Variants in NUP210 observed in about 807,000 individuals in gnomAD.
NUP210 encodes nuclear pore membrane glycoprotein 210.
Under a neutral mutation model 196.0 loss-of-function variants are expected in NUP210, and 151 were observed. The ratio of observed to expected loss-of-function variants is 0.77; its 90% CI spans 0.67 to 0.88. The LOEUF (loss-of-function observed/expected upper bound fraction) is 0.88. NUP210 is among the 40% of genes least tolerant of loss of function. The probability of loss-of-function intolerance (pLI) is 0.00; values close to 1 mark genes in which losing one functional copy is unlikely to be tolerated. For missense variants in NUP210, 2,314 were observed against 2,493.7 expected (o/e 0.93, Z 1.53); for synonymous variants, 1,070 against 1,052.7 (o/e 1.02, Z -0.32).
chr3:13,373,984 T>C (rs761289182), intron 11 of NUP210, 111 bp from the exon 12 acceptor site: 1 of 1,249,214 alleles, frequency 8.0e-7, no homozygotes, highest in African/African-American at 1.5e-5. Flanking sequence ...TCATACACAT[T>C]TATCCTCACA....
intron 2 of NUP210, among the ~76,000 whole-genome samples, chr3:13,398,212 G>A (rs940918321): frequency 3.3e-5 from 5 of 152,206 alleles, no homozygotes; most frequent in African/African-American, 1.2e-4. Flanking sequence ...AGCCAAGGCA[G>A]GTGGATCACT....
At chr3:13,413,985 T>A (rs1384387935) in intron 1 of NUP210, among the ~76,000 whole-genome samples, 1 of 152,244 alleles carries the variant, frequency 6.6e-6, no homozygotes. Flanking sequence ...TCATTCCCAC[T>A]GTCGCATGAG....
intron 19 of NUP210, 40 bp downstream of exon 19, chr3:13,352,040 G>A (rs758377350): frequency 7.5e-6 from 12 of 1,603,194 alleles, no homozygotes; most frequent in Admixed American, 6.7e-5. Context: ...GAGTCCCCCC[G>A]TGGGTCTTGC....
intron 6 of NUP210, among the ~76,000 whole-genome samples, chr3:13,384,311 G>A (rs899377345): frequency 2.0e-5 from 3 of 152,222 alleles, no homozygotes; most frequent in African/African-American, 4.8e-5. Flanking sequence ...GGGGAGAAGC[G>A]GCAGAGGGAA....
chr3:13,324,298 C>T (rs1696655634), intron 33 of NUP210, among the ~76,000 whole-genome samples: 4 of 152,094 alleles, frequency 2.6e-5, no homozygotes, highest in Admixed American at 6.5e-5. Context: ...TGCCTGCACT[C>T]CTGGAGTGCC....
At chr3:13,328,082 A>C (rs1336891998) in intron 31 of NUP210, among the ~76,000 whole-genome samples, 2 of 152,220 alleles carry the variant, frequency 1.3e-5, no homozygotes, top group Non-Finnish European at 2.9e-5. Flanking sequence ...GGTCTCTATC[A>C]GGTGCTCCTG....
chr3:13,398,587 C>T (rs183377705), intron 2 of NUP210, among the ~76,000 whole-genome samples: 22 of 152,126 alleles, frequency 1.4e-4, no homozygotes, highest in Admixed American at 1.0e-3. Flanking sequence ...CTCTAAATGC[C>T]CAATACAAGG....
intron 2 of NUP210, among the ~76,000 whole-genome samples, chr3:13,398,758 AC>A (rs987817930): frequency 2.0e-5 from 3 of 152,078 alleles, no homozygotes; most frequent in Admixed American, 6.5e-5. Flanking sequence ...CCAACTCGCC[AC>A]AAAAAATTTT....
intron 6 of NUP210, among the ~76,000 whole-genome samples, chr3:13,381,905 C>T (rs1229752898): frequency 9.2e-5 from 14 of 152,070 alleles, no homozygotes; most frequent in Admixed American, 9.2e-4. Flanking sequence ...CATGGAGCTC[C>T]TGCGGAGCTG....
At position 13,317,703 on chromosome 3, in the gene NUP210, C is replaced by T; in HGVS notation, c.5642G>A (p.Ser1881Asn). ...GGCCTAGTGGGAGGCATAGGCTGGGCTCCACAGCCCTGAGGGAGGGCTGGC... is the reference window on the plus strand; with the variant it reads ...GGCCTAGTGGGAGGCATAGGCTGGGTTCCACAGCCCTGAGGGAGGGCTGGC... ...RKASPPSGLW[S>N]PAYASH is the part of the protein sequence containing the mutation. The change falls in exon 40 of 40, where the codon AGC becomes AAC. Residue 1881 changes from serine (S) to asparagine (N), a missense_variant. By Grantham distance (46) the Ser-to-Asn change is conservative. Transcript: ENST00000254508. The T allele has an allele frequency of 1.2e-6, 2 of 1,610,226 alleles. No individual in the cohort carries two copies. Among genetic ancestry groups the T allele is most frequent in the Non-Finnish European group, 1.7e-6 (2 of 1,178,494 alleles).
At chr3:13,392,084 C>G (rs1263827323) in intron 3 of NUP210, among the ~76,000 whole-genome samples, 1 of 152,164 alleles carries the variant, frequency 6.6e-6, no homozygotes, top group African/African-American at 2.4e-5. Flanking sequence ...CACGCCTGTT[C>G]CACATCCCTC....
intron 4 of NUP210, among the ~76,000 whole-genome samples, chr3:13,390,494 T>G (rs1447197584): frequency 1.3e-5 from 2 of 152,360 alleles, no homozygotes; most frequent in East Asian, 3.9e-4. Context: ...CATGTGGCAG[T>G]GCAGTGAGCC....
chr3:13,341,691 A>G, intron 23 of NUP210, 57 bp downstream of exon 23: 1 of 1,598,716 alleles, frequency 6.3e-7, no homozygotes, highest in Non-Finnish European at 8.5e-7. Flanking sequence ...CTATAAAGAC[A>G]CTCCCAACCC....
At position 13,388,360 on chromosome 3, in the gene NUP210, A is replaced by C. The variant is rs190860819; in HGVS notation, c.627T>G (p.Ser209=). The C allele has an allele frequency of 2.5e-6, 4 of 1,613,016 alleles. No individual in the cohort carries two copies. In the East Asian group the frequency reaches 8.9e-5, roughly 36 times the overall value. Residue 209 remains serine, a synonymous_variant, in exon 5 of 40, where the codon TCT becomes TCG. Coordinates refer to ENST00000254508, the MANE Select transcript of NUP210 (RefSeq NM_024923.4). ...AAKQGDTILV[S]GMKTGSSKLK... ...GCTTGGAGCTCCCGGTCTTCATCCC[A>C]GACACCAGGATGGTGTCCCCTTGCT...
chr3:13,394,803 G>C (rs940675553), intron 3 of NUP210, among the ~76,000 whole-genome samples: 1 of 152,120 alleles, frequency 6.6e-6, no homozygotes, highest in African/African-American at 2.4e-5. Flanking sequence ...ATCATTTCTG[G>C]GACTGCCCTC....
Position 13,321,780 on chromosome 3 carries a change from G to T in NUP210, c.4971C>A (p.His1657Gln), listed in dbSNP as rs549845603. The T allele has an allele frequency of 1.2e-6, 2 of 1,612,296 alleles. No individual in the cohort carries two copies. Among genetic ancestry groups the T allele is most frequent in the Admixed American group, 1.7e-5 (1 of 60,028 alleles). ...CCAGAGCTGTCTTCTTCATGCTCAG[G>T]TGCTTCCGCTGCTTGTCCGTCAGCC... ...MHRLTDKQRK[H>Q]LSMKKTALVV... Residue 1657 changes from histidine (H) to glutamine (Q), a missense_variant, in exon 36 of 40, where the codon CAC becomes CAA. Transcript: ENST00000254508.
At chr3:13,318,019 C>T (rs567050600) in intron 39 of NUP210, among the ~76,000 whole-genome samples, 7 of 152,244 alleles carry the variant, frequency 4.6e-5, no homozygotes, top group East Asian at 3.9e-4. Context: ...CCGGGGAGAA[C>T]GTGTCTCAAG....
At chr3:13,317,831 G>C (rs530776388) in intron 39 of NUP210, 50 bp from the exon 40 acceptor site, 1 of 1,308,924 alleles carries the variant, frequency 7.6e-7, no homozygotes, top group African/African-American at 1.5e-5. Flanking sequence ...GGAAAGCGGC[G>C]CACTCTTCAG....
intron 6 of NUP210, among the ~76,000 whole-genome samples, chr3:13,383,617 C>T (rs991518246): frequency 4.7e-5 from 7 of 149,302 alleles, no homozygotes; most frequent in African/African-American, 7.5e-5. Context: ...CTCTGCCTCC[C>T]GGGTTCAAGC....
Sources: gnomAD v4.1 joint callset for allele counts (sites outside exome capture counted in the v4.1 genomes callset) on GRCh38, gnomAD v4.1.1 for gene constraint, MANE v1.5 for transcripts, NCBI Gene and HGNC (gene_info 2026-07-23, HGNC 2026-07-21) for gene names.